Variants in SAMHD1 observed in about 807,000 individuals in gnomAD.
SAMHD1 encodes the protein deoxynucleoside triphosphate triphosphohydrolase SAMHD1.
SAMHD1 carries 54 observed loss-of-function variants against 79.6 expected under a neutral mutation model. The observed-to-expected ratio is 0.68, with a 90% CI of 0.55 to 0.85. The LOEUF is 0.85. Ranked by LOEUF, SAMHD1 falls within the 40% of genes least tolerant of loss-of-function variation. SAMHD1 has a pLI of 0.00. For synonymous variants in SAMHD1, 260 were observed against 264.1 expected (o/e 0.98, Z 0.15); for missense variants, 663 against 782.7 (o/e 0.85, Z 1.82).
At chr20:36,938,143 C>T (rs1003857919) in intron 3 of SAMHD1, among the ~76,000 whole-genome samples, 5 of 152,048 alleles carry the variant, frequency 3.3e-5, no homozygotes, top group African/African-American at 7.2e-5. Context: ...GCTGGGATTA[C>T]GGGTGTGAGC....
chr20:36,936,996 C>T (rs764007550), intron 3 of SAMHD1, among the ~76,000 whole-genome samples: 28 of 151,898 alleles, frequency 1.8e-4, no homozygotes, highest in Non-Finnish European at 4.0e-4. Flanking sequence ...CAAAAATTAG[C>T]TGGGCGTGGT....
At chr20:36,940,622 C>T (rs1490526779) in intron 3 of SAMHD1, 4 of 246,026 alleles carry the variant, frequency 1.6e-5, no homozygotes, top group African/African-American at 9.4e-5. Context: ...TCACTTGAGC[C>T]AGGGAGACGG....
intron 3 of SAMHD1, 25 bp downstream of exon 3, chr20:36,941,014 A>G (rs2063640138): frequency 4.5e-6 from 7 of 1,571,374 alleles, no homozygotes; most frequent in Non-Finnish European, 6.1e-6. Flanking sequence ...TATTCAAAAA[A>G]CATAACAAAC....
chr20:36,898,244 T>C (rs1203934593), intron 14 of SAMHD1, among the ~76,000 whole-genome samples, 196 bp downstream of exon 14: 1 of 152,132 alleles, frequency 6.6e-6, no homozygotes, highest in African/African-American at 2.4e-5. Context: ...GCCAGGCTGA[T>C]CTTAAGCTCT....
intron 13 of SAMHD1, among the ~76,000 whole-genome samples, chr20:36,900,148 AG>A: frequency 6.6e-6 from 1 of 152,132 alleles, no homozygotes; most frequent in East Asian, 1.9e-4. Flanking sequence ...GGCTGTTCAG[AG>A]GAGGCAAGAT....
intron 11 of SAMHD1, among the ~76,000 whole-genome samples, chr20:36,910,629 C>T (rs2063432944): frequency 6.6e-6 from 1 of 150,850 alleles, no homozygotes; most frequent in Admixed American, 6.7e-5. Flanking sequence ...ACCCAGGAGA[C>T]TGAGGCAGGA....
In SAMHD1 at chr20:36,893,051, C is replaced by T. The variant is rs751545200; in HGVS notation, c.1762G>A (p.Ala588Thr). ...TTTTTTTGAGGTGTTATGAGTGGGG[C>T]TATAACATCGCCATCCTATTAGGAA... The part of the protein sequence containing the change: ...FTKPQDGDVI[A>T]PLITPQKKEW... The change falls in exon 16 of 16, where the codon GCC becomes ACC. Residue 588 changes from alanine (A) to threonine (T), a missense_variant. Transcript: ENST00000646673. 5 of 1,613,230 alleles carry T rather than the reference C, an allele frequency of 3.1e-6. No individual in the cohort carries two copies. Among genetic ancestry groups the T allele is most frequent in the Non-Finnish European group, 4.2e-6 (5 of 1,179,952 alleles).
At chr20:36,950,707 T>C (rs1478650732) in intron 1 of SAMHD1, among the ~76,000 whole-genome samples, 1 of 152,190 alleles carries the variant, frequency 6.6e-6, no homozygotes, top group African/African-American at 2.4e-5. Flanking sequence ...GGTTCAGATT[T>C]TGGAGGGGAA....
intron 5 of SAMHD1, among the ~76,000 whole-genome samples, chr20:36,929,698 G>A (rs2063556633): frequency 6.6e-6 from 1 of 152,034 alleles, no homozygotes; most frequent in South Asian, 2.1e-4. Context: ...GTGTGACAGA[G>A]CAAGACTCCA....
chr20:36,924,359 G>A, intron 6 of SAMHD1, among the ~76,000 whole-genome samples: 1 of 150,766 alleles, frequency 6.6e-6, no homozygotes. Context: ...GGGAAAAAGA[G>A]AAAGAATGAG....
At chr20:36,904,430 A>G in intron 12 of SAMHD1, 181 bp from the exon 13 acceptor site, 1 of 609,662 alleles carries the variant, frequency 1.6e-6, no homozygotes, top group South Asian at 1.8e-5. Context: ...AAAAAATTGT[A>G]AAAAGTGGCC....
At chr20:36,923,554 C>T (rs1319479464) in intron 6 of SAMHD1, among the ~76,000 whole-genome samples, 2 of 152,136 alleles carry the variant, frequency 1.3e-5, no homozygotes, top group Admixed American at 6.6e-5. Context: ...AAAGCTAGCA[C>T]AGACCATAAT....
chr20:36,912,331 G>T, intron 10 of SAMHD1, 130 bp downstream of exon 10: 1 of 674,852 alleles, frequency 1.5e-6, no homozygotes, highest in Non-Finnish European at 2.6e-6. Context: ...TTTCTTTAAG[G>T]AAACCATTTT....
chr20:36,923,372 A>C (rs1568772829), intron 6 of SAMHD1, among the ~76,000 whole-genome samples: 1 of 152,136 alleles, frequency 6.6e-6, no homozygotes. Flanking sequence ...CAGTGAGCTT[A>C]GATGACATCA....
At chr20:36,898,256 C>T (rs146356858) in intron 14 of SAMHD1, among the ~76,000 whole-genome samples, 184 bp downstream of exon 14, 2 of 152,056 alleles carry the variant, frequency 1.3e-5, no homozygotes, top group Non-Finnish European at 2.9e-5. Context: ...TTAAGCTCTT[C>T]GTCTCAAGTG....
intron 5 of SAMHD1, 52 bp downstream of exon 5, chr20:36,930,708 G>T: frequency 8.3e-7 from 1 of 1,198,868 alleles, no homozygotes; most frequent in Non-Finnish European, 1.2e-6. Flanking sequence ...TCAAAGAGAG[G>T]TAACATATGT....
At position 36,898,240 on chromosome 20, in the gene SAMHD1, C is replaced by T. The variant is rs550773265; in HGVS notation, c.1608+200G>A. ...ATGGGGTCTCGCTTTGTTGGCCAGG[C>T]TGATCTTAAGCTCTTCGTCTCAAGT... is the stretch of plus-strand genomic sequence containing the variant. On this transcript the variant is annotated intron_variant, in intron 14 of 15. Coordinates refer to ENST00000646673, the MANE Select transcript of SAMHD1 (RefSeq NM_015474.4). Among the ~76,000 whole-genome samples, 10 of 152,224 alleles carry T rather than the reference C, an allele frequency of 6.6e-5. No individual in the cohort carries two copies. The East Asian group carries it at 1.9e-3, about 29-fold the overall frequency.
intron 13 of SAMHD1, among the ~76,000 whole-genome samples, chr20:36,900,512 C>T (rs1990283678): frequency 1.3e-5 from 2 of 152,006 alleles, no homozygotes; most frequent in South Asian, 4.1e-4. Context: ...TCCCAAAGTG[C>T]TGGGATTACA....
chr20:36,941,039 C>T lies in SAMHD1; in HGVS notation c.348G>A (p.Lys116=). 6.2e-7 allele frequency: 1 copy of T among 1,610,136 alleles called. No individual in the cohort carries two copies. Residue 116 remains lysine, a splice_region_variant and synonymous_variant, in exon 3 of 16, where the codon AAG becomes AAA. Coordinates refer to ENST00000646673, the MANE Select transcript of SAMHD1 (RefSeq NM_015474.4). ...RLVQIHVDTM[K]VINDPIHGHI... is the part of the protein sequence containing the mutation. ...ACATAACAAACTCAGATCCTCTTACCTTCATTGTATCAACGTGGATTTGAA... is the reference window on the plus strand; with the variant it reads ...ACATAACAAACTCAGATCCTCTTACTTTCATTGTATCAACGTGGATTTGAA...
Sources: gnomAD v4.1 joint callset for allele counts (sites outside exome capture counted in the v4.1 genomes callset) on GRCh38, gnomAD v4.1.1 for gene constraint, MANE v1.5 for transcripts, NCBI Gene and HGNC (gene_info 2026-07-23, HGNC 2026-07-21) for gene names.